AJAP1: variants seen among roughly 807,000 people sequenced by gnomAD.
AJAP1 encodes adherens junctions associated protein 1.
In AJAP1, 5 loss-of-function variants were observed where a neutral mutation model predicts 35.0. That is an observed-to-expected ratio of 0.14 (90% CI 0.07 to 0.30). AJAP1 has a LOEUF of 0.30. Among genes scored for constraint, AJAP1 ranks in the 10% least tolerant of loss-of-function variants. The pLI, the probability that AJAP1 is intolerant of heterozygous loss-of-function variation, is 1.00. For synonymous variants in AJAP1, 284 were observed against 249.3 expected (o/e 1.14, Z -1.31); for missense variants, 586 against 571.0 (o/e 1.03, Z -0.27).
At chr1:4,736,115 A>G (rs1308902065) in intron 2 of AJAP1, among the ~76,000 whole-genome samples, 1 of 152,212 alleles carries the variant, frequency 6.6e-6, no homozygotes, top group Non-Finnish European at 1.5e-5. Flanking sequence ...TAATGTTTGT[A>G]AAGGGCTTGG....
At position 4,740,062 on chromosome 1, in the gene AJAP1, T is replaced by A. The variant is rs147758369; in HGVS notation, c.829+27363T>A. 5.0e-3 allele frequency among the ~76,000 whole-genome samples: 768 copies of A among 152,200 alleles called. 5 individuals are homozygous for A. Among genetic ancestry groups the A allele is most frequent in the African/African-American group, 0.017 (716 of 41,548 alleles). ...GCGGAGTCTCAGAGAGATGTGCGCA[T>A]ACCCATGTTCACAGCAGCGTTATTT... On this transcript the variant is annotated intron_variant, in intron 2 of 5. Transcript: ENST00000378191.
intron 1 of AJAP1, among the ~76,000 whole-genome samples, chr1:4,674,409 G>A (rs1639316795): frequency 6.6e-6 from 1 of 152,232 alleles, no homozygotes; most frequent in Non-Finnish European, 1.5e-5. Context: ...TGGCACAGGG[G>A]CATGCCCACT....
In AJAP1 at chr1:4,692,231, T is replaced by A. The variant is rs1315617523; in HGVS notation, c.30-19669T>A. On this transcript the variant is annotated intron_variant, in intron 1 of 5. Transcript: ENST00000378191. The surrounding 1 kb of genome is among the most constrained non-coding windows in gnomAD (Gnocchi z 4.4). ...ACTGTGCCAGGCAGGCTCCTGCTGC[T>A]GCCTCCCGCCGCTGCCTCCCGCCAC... 6.6e-6 allele frequency among the ~76,000 whole-genome samples: 1 copy of A among 152,102 alleles called. No individual in the cohort carries two copies. Among genetic ancestry groups the A allele is most frequent in the African/African-American group, 2.4e-5 (1 of 41,430 alleles).
chr1:4,780,275 C>T lies in AJAP1; in HGVS notation c.*60-2270C>T, dbSNP rs555363308. Among the ~76,000 whole-genome samples the T allele has an allele frequency of 3.0e-3, 453 of 152,162 alleles. 1 individual carries two copies. The highest frequency in any genetic ancestry group is 0.01 in the African/African-American group (431 of 41,490). ...CTTCCGTCACCCCGTATTAAAACTC[C>T]GCACCCACTCAACACTCACTCCCCG... On this transcript the variant is annotated intron_variant, in intron 5 of 5. Coordinates refer to ENST00000378191, the MANE Select transcript of AJAP1 (RefSeq NM_018836.4).
rs1642224549 is a variant in AJAP1 at position 4,789,937 on chromosome 1, A to G, written c.*7452A>G. 1 of 152,234 alleles carries G rather than the reference A, an allele frequency of 6.6e-6. No individual in the cohort carries two copies. Among genetic ancestry groups the G allele is most frequent in the Middle Eastern group, 3.2e-3 (1 of 316 alleles). 9.4% of individuals were successfully genotyped at this position (152,234 alleles called of 1,614,324 possible). A position where few individuals can be genotyped will look rare whatever the true frequency, so the allele number is the denominator to read the frequency against. The stretch of plus-strand genomic sequence containing the variant: ...ACAGGGAACTGCAGGGGTGAACACC[A>G]TTGTACCAATCCCCGGGCCAGTGTC... On this transcript the variant is annotated 3_prime_UTR_variant, in exon 6 of 6. Transcript: ENST00000378191. This position sits in a 1 kb window ranked among gnomAD's most constrained non-coding sequence, Gnocchi z 4.4.
At chr1:4,680,772 A>T (rs575419931) in intron 1 of AJAP1, among the ~76,000 whole-genome samples, 1 of 152,336 alleles carries the variant, frequency 6.6e-6, no homozygotes, top group East Asian at 1.9e-4. Context: ...CATTCCAGTA[A>T]GAATGGTGAA....
At chr1:4,757,772 T>G (rs1474495893) in intron 2 of AJAP1, among the ~76,000 whole-genome samples, 1 of 152,240 alleles carries the variant, frequency 6.6e-6, no homozygotes, top group East Asian at 1.9e-4. Flanking sequence ...TCTAGCCCAG[T>G]GCCTGCACAC....
intron 1 of AJAP1, among the ~76,000 whole-genome samples, chr1:4,658,007 A>C (rs911829635): frequency 7.9e-5 from 12 of 151,674 alleles, no homozygotes; most frequent in African/African-American, 2.2e-4. Context: ...CCCGTGGAGG[A>C]GGCGCGTATT....
intron 2 of AJAP1, among the ~76,000 whole-genome samples, chr1:4,750,913 C>A (rs1158499515): frequency 1.3e-5 from 2 of 149,450 alleles, no homozygotes; most frequent in African/African-American, 2.5e-5. Context: ...GAAAAGACCT[C>A]CAATCCCCTG....
chr1:4,785,832 G>A lies in AJAP1; in HGVS notation c.*3347G>A, dbSNP rs6426434. ...GGTTTGTTAGGGTTCCCCAGTTTTCGTCCACTTCCATCTTATTCCTCGGAG... is the reference window on the plus strand; with the variant it reads ...GGTTTGTTAGGGTTCCCCAGTTTTCATCCACTTCCATCTTATTCCTCGGAG... On this transcript the variant is annotated 3_prime_UTR_variant, in exon 6 of 6. Coordinates refer to ENST00000378191, the MANE Select transcript of AJAP1 (RefSeq NM_018836.4). The A allele has an allele frequency of 0.25, 38,199 of 151,948 alleles. 5,140 individuals carry two copies. Among genetic ancestry groups the A allele is most frequent in the Middle Eastern group, 0.34 (99 of 294 alleles). 9.4% of individuals were successfully genotyped at this position (151,948 alleles called of 1,614,324 possible).
chr1:4,668,356 G>C (rs1299378484), intron 1 of AJAP1, among the ~76,000 whole-genome samples: 1 of 152,064 alleles, frequency 6.6e-6, no homozygotes, highest in Non-Finnish European at 1.5e-5. Context: ...GTGTGTGTGT[G>C]TGTGTCTGTG....
intron 2 of AJAP1, among the ~76,000 whole-genome samples, chr1:4,767,595 AC>A (rs1378749362): frequency 3.3e-5 from 5 of 150,968 alleles, no homozygotes; most frequent in Admixed American, 1.3e-4. Flanking sequence ...CACCACCATC[AC>A]CATTATCATC....
intron 2 of AJAP1, among the ~76,000 whole-genome samples, chr1:4,735,125 C>T (rs1186265806): frequency 2.6e-5 from 4 of 152,226 alleles, no homozygotes; most frequent in African/African-American, 7.2e-5. Context: ...GGGTGAGCTC[C>T]GCACCAGCGG....
At chr1:4,728,733 G>A (rs936254805) in intron 2 of AJAP1, among the ~76,000 whole-genome samples, 13 of 152,152 alleles carry the variant, frequency 8.5e-5, no homozygotes, top group African/African-American at 3.1e-4. Flanking sequence ...CTTCTATCTT[G>A]GGCTGCTGAT....
intron 1 of AJAP1, among the ~76,000 whole-genome samples, chr1:4,694,083 G>A (rs997957752): frequency 6.6e-6 from 1 of 152,206 alleles, no homozygotes; most frequent in African/African-American, 2.4e-5. Flanking sequence ...CACCCCCAGG[G>A]CTGCTCCTGG....
At chr1:4,762,708 C>T (rs1030983621) in intron 2 of AJAP1, among the ~76,000 whole-genome samples, 38 of 152,190 alleles carry the variant, frequency 2.5e-4, no homozygotes, top group Non-Finnish European at 5.9e-5. Context: ...TTCTGTGAGT[C>T]TCCCTGCTGA....
intron 1 of AJAP1, among the ~76,000 whole-genome samples, chr1:4,667,887 C>T (rs974879661): frequency 1.2e-4 from 18 of 152,100 alleles, no homozygotes; most frequent in Non-Finnish European, 1.2e-4. Context: ...AAGGGGAAGA[C>T]GTTTGGGGAA....
intron 1 of AJAP1, among the ~76,000 whole-genome samples, chr1:4,670,570 C>T (rs1183683644): frequency 6.6e-6 from 1 of 152,192 alleles, no homozygotes; most frequent in African/African-American, 2.4e-5. Flanking sequence ...TTACTTTTCA[C>T]TGGAAGCAGC....
intron 2 of AJAP1, among the ~76,000 whole-genome samples, chr1:4,735,767 G>A (rs548840499): frequency 3.3e-5 from 5 of 152,264 alleles, no homozygotes; most frequent in Admixed American, 1.3e-4. Flanking sequence ...ACAAGCTGCC[G>A]CCTCCTCCGG....
Sources: allele counts gnomAD v4.1 joint callset (sites outside exome capture counted in the v4.1 genomes callset), GRCh38; gene constraint gnomAD v4.1.1; non-coding constraint Gnocchi (gnomAD v3.1); transcripts MANE v1.5; gene names NCBI Gene and HGNC (gene_info 2026-07-23, HGNC 2026-07-21).